The following SLC44A1 variants were observed in gnomAD, a reference collection of about 807,000 sequenced individuals.
The protein encoded by SLC44A1 is solute carrier family 44 member 1, also known as choline transporter-like protein 1.
SLC44A1 carries 26 observed loss-of-function variants against 79.3 expected under a neutral mutation model. The observed-to-expected ratio is 0.33, with a 90% confidence interval of 0.24 to 0.46. The LOEUF (loss-of-function observed/expected upper bound fraction) is 0.46. Among genes scored for constraint, SLC44A1 ranks in the 20% least tolerant of loss-of-function variants. SLC44A1 has a pLI of 1.00. For synonymous variants in SLC44A1, 263 were observed against 286.2 expected, an observed-to-expected ratio of 0.92 and a Z score of 0.82; for missense variants, 688 against 798.1, an observed-to-expected ratio of 0.86 and a Z score of 1.66.
chr9:105,404,825 A>G (rs1179601615), intron 15 of SLC44A1, among the ~76,000 whole-genome samples: 3 of 152,212 alleles, frequency 2.0e-5, no homozygotes, highest in African/African-American at 4.8e-5. Flanking sequence ...GAAAGCCACA[A>G]AAGCTTTTTG....
chr9:105,288,005 C>A (rs1274821595), intron 1 of SLC44A1, among the ~76,000 whole-genome samples: 1 of 152,066 alleles, frequency 6.6e-6, no homozygotes, highest in Non-Finnish European at 1.5e-5. Context: ...TATGTTATTT[C>A]TTTCATAATT....
chr9:105,357,365 G>A (rs1047919659), intron 6 of SLC44A1: 7 of 151,890 alleles, frequency 4.6e-5, no homozygotes, highest in Non-Finnish European at 1.0e-4. Flanking sequence ...AAAATTATTT[G>A]GTTTTTGAAA....
chr9:105,309,762 A>G lies in SLC44A1; in HGVS notation c.165A>G (p.Ala55=), dbSNP rs765740688. The change falls in exon 3 of 16, where the codon GCA becomes GCG. Residue 55 remains alanine, a synonymous_variant. Transcript: ENST00000374720. ...GCTTTTCAATAGCAACAGGTGCAGC[A>G]GCAAGACTAGTGTCAGGATACGACA... ...ICGFSIATGA[A]ARLVSGYDSY... The G allele has an allele frequency of 6.2e-7, 1 of 1,613,892 alleles. No individual in the cohort carries two copies. Among genetic ancestry groups the G allele is most frequent in the African/African-American group, 1.3e-5 (1 of 74,938 alleles).
chr9:105,286,898 A>G (rs1379881086), intron 1 of SLC44A1, among the ~76,000 whole-genome samples: 2 of 152,202 alleles, frequency 1.3e-5, no homozygotes, highest in Non-Finnish European at 2.9e-5. Context: ...CAGAAGTTTG[A>G]GGCTGCAGTG....
chr9:105,352,684 T>TTA (rs1827488545), intron 5 of SLC44A1, among the ~76,000 whole-genome samples: 1 of 152,216 alleles, frequency 6.6e-6, no homozygotes, highest in African/African-American at 2.4e-5. Flanking sequence ...TTAGGTAAGA[T>TTA]ACTAAAGTAG....
At chr9:105,334,905 C>A (rs7856524) in intron 3 of SLC44A1, among the ~76,000 whole-genome samples, 16,268 of 151,972 alleles carry the variant, frequency 0.11, 2,253 homozygotes, top group African/African-American at 0.32. Flanking sequence ...TATTTACTGC[C>A]GTTATATCAG....
chr9:105,320,016 C>G (rs913404743), intron 3 of SLC44A1, among the ~76,000 whole-genome samples: 2 of 152,176 alleles, frequency 1.3e-5, no homozygotes, highest in African/African-American at 4.8e-5. Context: ...TGTAGTCAGT[C>G]CTTGCCCCCA....
At chr9:105,329,655 A>T (rs2131348123) in intron 3 of SLC44A1, among the ~76,000 whole-genome samples, 1 of 152,228 alleles carries the variant, frequency 6.6e-6, no homozygotes, top group South Asian at 2.1e-4. Flanking sequence ...CCAGATTCTA[A>T]GGACGGCTAC....
At chr9:105,263,285 C>T (rs1304234619) in intron 1 of SLC44A1, among the ~76,000 whole-genome samples, 1 of 152,196 alleles carries the variant, frequency 6.6e-6, no homozygotes, top group Non-Finnish European at 1.5e-5. Context: ...CTACCGAGCT[C>T]TGTGTCCATG....
chr9:105,277,253 A>G (rs328008), intron 1 of SLC44A1, among the ~76,000 whole-genome samples: 21,101 of 152,190 alleles, frequency 0.14, 1,903 homozygotes, highest in African/African-American at 0.25. Context: ...GGAGTTGGTA[A>G]TAGATGTGTG....
chr9:105,329,981 A>G (rs1826700509), intron 3 of SLC44A1, among the ~76,000 whole-genome samples: 1 of 152,114 alleles, frequency 6.6e-6, no homozygotes, highest in Non-Finnish European at 1.5e-5. Flanking sequence ...ATGACTGTAT[A>G]TATTTTTGTG....
At chr9:105,406,286 C>T (rs1429480834) in intron 15 of SLC44A1, among the ~76,000 whole-genome samples, 4 of 152,084 alleles carry the variant, frequency 2.6e-5, no homozygotes, top group Admixed American at 1.3e-4. Context: ...AAATAAACAA[C>T]GATAACCCAC....
intron 15 of SLC44A1, among the ~76,000 whole-genome samples, chr9:105,426,633 A>C (rs1191699811): frequency 6.6e-6 from 1 of 152,228 alleles, no homozygotes; most frequent in Non-Finnish European, 1.5e-5. Flanking sequence ...ACAAGAAAAC[A>C]GAGACTAGGG....
chr9:105,319,614 C>T (rs530702409), intron 3 of SLC44A1, among the ~76,000 whole-genome samples: 1 of 152,156 alleles, frequency 6.6e-6, no homozygotes, highest in South Asian at 2.1e-4. Flanking sequence ...GTGGTCGACG[C>T]CCACCCTAAA....
rs72744238 is a variant in SLC44A1, at chr9:105,395,259, G to A, written c.*6203G>A. The A allele has an allele frequency of 5.1e-4, 460 of 896,768 alleles. No homozygotes were observed. Among genetic ancestry groups the A allele is most frequent in the Non-Finnish European group, 5.8e-4 (435 of 749,340 alleles). The allele number at this position is 896,768 out of a possible 1,614,324, so 55.6% of individuals were successfully genotyped here. On this transcript the variant is annotated 3_prime_UTR_variant, in exon 16 of 16. Transcript: ENST00000374720. ...TTTTGAGACGGAGTCTCGCTCTATCGCCAGCTTAGAGTGCAGTGGCTCAAT... is the reference window on the plus strand; with the variant it reads ...TTTTGAGACGGAGTCTCGCTCTATCACCAGCTTAGAGTGCAGTGGCTCAAT...
At chr9:105,258,620 G>A (rs1198648566) in intron 1 of SLC44A1, among the ~76,000 whole-genome samples, 2 of 152,170 alleles carry the variant, frequency 1.3e-5, no homozygotes, top group African/African-American at 4.8e-5. Flanking sequence ...ATGGTAGATT[G>A]AATGTACCTT....
intron 4 of SLC44A1, among the ~76,000 whole-genome samples, chr9:105,341,907 T>A (rs1034173391): frequency 6.6e-6 from 1 of 152,218 alleles, no homozygotes; most frequent in Non-Finnish European, 1.5e-5. Flanking sequence ...CAAGTGATTA[T>A]TCATATCTCT....
chr9:105,331,094 T>G (rs1296823306), intron 3 of SLC44A1, among the ~76,000 whole-genome samples: 1 of 152,276 alleles, frequency 6.6e-6, no homozygotes, highest in Middle Eastern at 3.2e-3. Context: ...TTTATTCCTG[T>G]TCCTCTAAAG....
At chr9:105,351,587 A>G (rs1261583229) in intron 5 of SLC44A1, among the ~76,000 whole-genome samples, 119 of 119,588 alleles carry the variant, frequency 1.0e-3, no homozygotes, top group Middle Eastern at 8.1e-3. Flanking sequence ...AAAGAGAGAA[A>G]GAGAGAAAGA....
Sources: gnomAD v4.1 joint callset for allele counts (sites outside exome capture counted in the v4.1 genomes callset) on GRCh38, gnomAD v4.1.1 for gene constraint, MANE v1.5 for transcripts, NCBI Gene and HGNC (gene_info 2026-07-23, HGNC 2026-07-21) for gene names.